The following PPEF1 variants were observed in gnomAD, a reference collection of about 807,000 sequenced individuals.
The protein encoded by PPEF1 is protein phosphatase with EF-hand domain 1, also known as serine/threonine-protein phosphatase with EF-hands 1.
Under a neutral mutation model 53.3 loss-of-function variants are expected in PPEF1, and 12 were observed. The ratio of observed to expected loss-of-function variants is 0.23; its 90% CI spans 0.14 to 0.36. The LOEUF (loss-of-function observed/expected upper bound fraction) is 0.36, where lower values mean the gene tolerates loss of function less well. Among genes scored for constraint, PPEF1 ranks in the 10% least tolerant of loss-of-function variants. PPEF1 has a pLI of 1.00. For missense variants in PPEF1, 334 were observed against 490.4 expected (o/e 0.68, Z 3.01); for synonymous variants, 165 against 176.7 (o/e 0.93, Z 0.52).
intron 6 of PPEF1, among the ~76,000 whole-genome samples, chrX:18,767,787 A>T (rs1435985913): frequency 9.0e-6 from 1 of 110,700 alleles, no homozygotes; most frequent in Non-Finnish European, 1.9e-5. Context: ...ATAAAAATAG[A>T]TAAGGAAGAA....
chrX:18,815,082 G>C (rs947487131), intron 12 of PPEF1, among the ~76,000 whole-genome samples: 1 of 111,422 alleles, frequency 9.0e-6, no homozygotes, highest in African/African-American at 3.3e-5. Context: ...AGTTATCCCC[G>C]TGTCATTTAT....
intron 1 of PPEF1, 69 bp downstream of exon 1, chrX:18,707,895 C>T: frequency 6.0e-6 from 6 of 1,006,076 alleles, no homozygotes; most frequent in Non-Finnish European, 8.4e-6. Flanking sequence ...ACCCTCTTCT[C>T]CTTTCTCATT....
chrX:18,718,172 C>G (rs745995449), intron 1 of PPEF1, among the ~76,000 whole-genome samples: 11 of 112,045 alleles, frequency 9.8e-5, no homozygotes, highest in Non-Finnish European at 1.9e-4. Context: ...ACATCTTCAT[C>G]TTTTTATTTG....
chrX:18,719,872 TAC>T (rs2044542296), intron 1 of PPEF1, among the ~76,000 whole-genome samples: 2 of 112,094 alleles, frequency 1.8e-5, no homozygotes, highest in South Asian at 7.4e-4. Flanking sequence ...ACAGAATGTA[TAC>T]ACAGTCTCAA....
At chrX:18,734,604 T>C (rs2044924631) in intron 3 of PPEF1, among the ~76,000 whole-genome samples, 1 of 111,450 alleles carries the variant, frequency 9.0e-6, no homozygotes, top group Non-Finnish European at 1.9e-5. Context: ...TGCATGTCTC[T>C]TTATAGCAGC....
chrX:18,810,991 A>G (rs932179472), intron 12 of PPEF1, among the ~76,000 whole-genome samples: 1 of 112,586 alleles, frequency 8.9e-6, no homozygotes, highest in African/African-American at 3.2e-5. Context: ...CATTTCCACC[A>G]TCAGTGTGTG....
chrX:18,716,954 G>C (rs768068692), intron 1 of PPEF1, among the ~76,000 whole-genome samples: 1 of 110,418 alleles, frequency 9.1e-6, no homozygotes, highest in African/African-American at 3.3e-5. Context: ...GCTGTGGGAG[G>C]GGTAGGTAGG....
exon 1 of PPEF1, chrX:18,675,909 A>G (rs948522782): frequency 1.2e-5 from 1 of 81,936 alleles, no homozygotes; most frequent in Non-Finnish European, 2.2e-5. Context: ...CCACCCTAGG[A>G]TTGCTCACCA....
At chrX:18,797,935 C>T (rs893945321) in intron 10 of PPEF1, among the ~76,000 whole-genome samples, 2 of 3,010 alleles carry the variant, frequency 6.6e-4, no homozygotes, top group African/African-American at 1.2e-3. Context: ...CCTCATGATC[C>T]GCCCTGCCTC....
intron 10 of PPEF1, among the ~76,000 whole-genome samples, chrX:18,799,992 C>T (rs762900867): frequency 4.0e-4 from 45 of 111,732 alleles, no homozygotes; most frequent in African/African-American, 1.4e-3. Flanking sequence ...AAAAGAAATG[C>T]AGAACTCAGG....
At chrX:18,734,534 G>A (rs1271929429) in intron 3 of PPEF1, among the ~76,000 whole-genome samples, 2 of 111,060 alleles carry the variant, frequency 1.8e-5, no homozygotes, top group Admixed American at 1.9e-4. Flanking sequence ...ATCATTGATG[G>A]ACATTTGGGT....
intron 4 of PPEF1, among the ~76,000 whole-genome samples, chrX:18,750,166 T>C (rs1185221233): frequency 8.9e-6 from 1 of 112,097 alleles, no homozygotes. Flanking sequence ...TTTGCCATTT[T>C]CTGAGATATC....
chrX:18,779,084 G>A lies in PPEF1; in HGVS notation c.633G>A (p.Glu211=), dbSNP rs1308919808. Residue 211 remains glutamate, a synonymous_variant, in exon 7 of 16, where the codon GAG becomes GAA. Transcript: ENST00000470157. ...DFVDRGKNSI[E]ILMILCVSFL... is the part of the protein sequence containing the mutation. Reference sequence around the variant, plus strand: ...TAGATCGAGGAAAGAATTCCATAGAGATCCTAATGATCCTGTGTGTGAGTT... The same window carrying A: ...TAGATCGAGGAAAGAATTCCATAGAAATCCTAATGATCCTGTGTGTGAGTT... 1 of 1,197,859 alleles carries A rather than the reference G, an allele frequency of 8.3e-7. No homozygotes were observed. Among genetic ancestry groups the A allele is most frequent in the African/African-American group, 1.8e-5 (1 of 56,463 alleles).
exon 1 of PPEF1, chrX:18,675,967 G>T (rs1404020296): frequency 1.3e-5 from 1 of 79,574 alleles, no homozygotes; most frequent in Non-Finnish European, 2.6e-5. Context: ...GGGGGGGGGG[G>T]GGCATCTTTA....
chrX:18,768,588 T>A (rs767378687), intron 6 of PPEF1, among the ~76,000 whole-genome samples: 1 of 112,766 alleles, frequency 8.9e-6, no homozygotes, highest in East Asian at 2.8e-4. Flanking sequence ...TACTAATGCA[T>A]TCATTCAGTA....
rs148638393 is a variant in PPEF1 at position 18,781,257 on chromosome X, G to C, written c.726-1109G>C. 3.5e-3 allele frequency among the ~76,000 whole-genome samples: 385 copies of C among 110,485 alleles called. 4 individuals are homozygous for C. The highest frequency in any genetic ancestry group is 0.012 in the African/African-American group (370 of 30,321). ...AGTAGGCAGTTGAGTGTACATACAT[G>C]TCCAGAGATCAGAAATGAAGTGTGG... is the stretch of plus-strand genomic sequence containing the variant. On this transcript the variant is annotated intron_variant, in intron 7 of 15. Transcript: ENST00000470157.
rs944166982 is a variant in PPEF1, at chrX:18,740,060, A to G, written c.235+6252A>G. 5.3e-5 allele frequency among the ~76,000 whole-genome samples: 6 copies of G among 112,332 alleles called. No individual in the cohort carries two copies. In the Admixed American group the frequency reaches 5.6e-4, roughly 11 times the overall value. ...CGGCTTCCCTTGGCTAGGAAAGGGA[A>G]TTCCCCGACCCCTTGCCCTTCCTGG... is the stretch of plus-strand genomic sequence containing the variant. On this transcript the variant is annotated intron_variant, in intron 3 of 15. Coordinates refer to ENST00000470157, the MANE Select transcript of PPEF1 (RefSeq NM_001377996.1).
At chrX:18,693,859 C>T (rs1428656450) in intron 4 of PPEF1, among the ~76,000 whole-genome samples, 1 of 112,125 alleles carries the variant, frequency 8.9e-6, no homozygotes, top group Admixed American at 9.4e-5. Flanking sequence ...TGAGCCACCA[C>T]GCCCAGCCAG....
intron 3 of PPEF1, among the ~76,000 whole-genome samples, chrX:18,743,052 C>T (rs963160515): frequency 4.5e-5 from 5 of 111,598 alleles, no homozygotes; most frequent in Non-Finnish European, 7.5e-5. Flanking sequence ...CAAGGCCAGA[C>T]GTGAATTCAG....
Sources: allele counts gnomAD v4.1 joint callset (sites outside exome capture counted in the v4.1 genomes callset), GRCh38; gene constraint gnomAD v4.1.1; transcripts MANE v1.5; gene names NCBI Gene and HGNC (gene_info 2026-07-23, HGNC 2026-07-21).